The following SNTG1 variants were observed in gnomAD, a reference collection of about 807,000 sequenced individuals.
SNTG1 encodes the protein syntrophin gamma 1.
In SNTG1, 39 loss-of-function variants were observed where a neutral mutation model predicts 74.7. The ratio of observed to expected loss-of-function variants is 0.52; its 90% CI spans 0.40 to 0.68. The LOEUF (loss-of-function observed/expected upper bound fraction) is 0.68, where lower values mean the gene tolerates loss of function less well. Among genes scored for constraint, SNTG1 ranks in the 30% least tolerant of loss-of-function variants. The pLI is 0.00. For missense variants in SNTG1, 685 were observed against 609.5 expected (o/e 1.12, Z -1.30); for synonymous variants, 254 against 217.1 (o/e 1.17, Z -1.49).
intron 12 of SNTG1, among the ~76,000 whole-genome samples, chr8:50,572,860 A>T (rs1670487798): frequency 6.6e-6 from 1 of 152,140 alleles, no homozygotes; most frequent in Non-Finnish European, 1.5e-5. Context: ...TCTCTAAAAA[A>T]TTGGAGGAAT....
intron 9 of SNTG1, among the ~76,000 whole-genome samples, chr8:50,512,678 C>T (rs1379330049): frequency 8.5e-5 from 13 of 152,080 alleles, no homozygotes; most frequent in Admixed American, 7.9e-4. Context: ...ATCTTCCATC[C>T]TTGATACCCT....
chr8:50,594,424 T>C (rs2094713323), intron 13 of SNTG1, among the ~76,000 whole-genome samples: 1 of 152,162 alleles, frequency 6.6e-6, no homozygotes, highest in African/African-American at 2.4e-5. Context: ...GTGAGCTTTA[T>C]ATTAGGCAGT....
chr8:50,424,414 G>C (rs2093136209), intron 4 of SNTG1, among the ~76,000 whole-genome samples: 1 of 152,196 alleles, frequency 6.6e-6, no homozygotes, highest in Non-Finnish European at 1.5e-5. Flanking sequence ...CAAAAATCTA[G>C]CCACATATAT....
In SNTG1 at chr8:49,924,267, G is replaced by A. The variant is rs544050789; in HGVS notation, c.-103+12036G>A. Among the ~76,000 whole-genome samples the A allele has an allele frequency of 3.9e-5, 6 of 152,176 alleles. No individual in the cohort carries two copies. The East Asian group carries it at 7.7e-4, about 20-fold the overall frequency. On this transcript the variant is annotated intron_variant, in intron 1 of 18. Transcript: ENST00000642720. ...AATTATTATGACTTTCATAAAGAAA[G>A]GTATATGTACTTTATAGAGGAAAAA...
At chr8:50,350,085 G>T (rs1286885912) in intron 2 of SNTG1, among the ~76,000 whole-genome samples, 1 of 152,162 alleles carries the variant, frequency 6.6e-6, no homozygotes, top group Non-Finnish European at 1.5e-5. Flanking sequence ...GGGTGCATTG[G>T]GTCCCCCAGC....
chr8:50,644,833 G>T (rs1209159094), intron 13 of SNTG1, among the ~76,000 whole-genome samples: 2 of 151,948 alleles, frequency 1.3e-5, no homozygotes, highest in Non-Finnish European at 2.9e-5. Flanking sequence ...AGGCCTCCTT[G>T]GCAAATAATT....
chr8:50,617,413 CAT>C (rs990059206), intron 13 of SNTG1, among the ~76,000 whole-genome samples: 12 of 134,740 alleles, frequency 8.9e-5, no homozygotes, highest in African/African-American at 2.5e-4. Flanking sequence ...CACACACACA[CAT>C]AAATAACGAA....
At chr8:50,768,931 G>A (rs1309799548) in intron 18 of SNTG1, among the ~76,000 whole-genome samples, 1 of 152,004 alleles carries the variant, frequency 6.6e-6, no homozygotes, top group Non-Finnish European at 1.5e-5. Context: ...TCAAACTAAT[G>A]ATTGAATTGA....
At chr8:50,764,331 C>T (rs990750352) in intron 18 of SNTG1, among the ~76,000 whole-genome samples, 8 of 151,906 alleles carry the variant, frequency 5.3e-5, no homozygotes, top group Admixed American at 3.3e-4. Flanking sequence ...AGTGATGAGG[C>T]GACCTATATC....
At chr8:50,339,495 A>G (rs2091254966) in intron 2 of SNTG1, among the ~76,000 whole-genome samples, 3 of 152,060 alleles carry the variant, frequency 2.0e-5, no homozygotes, top group Non-Finnish European at 2.9e-5. Flanking sequence ...CAGCCATGTT[A>G]TAAGAGATAA....
intron 8 of SNTG1, among the ~76,000 whole-genome samples, chr8:50,490,354 C>T (rs1446337561): frequency 1.3e-5 from 2 of 152,168 alleles, no homozygotes; most frequent in Non-Finnish European, 2.9e-5. Flanking sequence ...CTATAAATTA[C>T]TTTGGGCAGT....
intron 11 of SNTG1, among the ~76,000 whole-genome samples, chr8:50,547,532 G>T (rs998931089): frequency 6.6e-6 from 1 of 152,088 alleles, no homozygotes. Context: ...TTGCCAAAGA[G>T]TCGCTCTTTG....
At chr8:50,659,529 G>A (rs976062073) in intron 15 of SNTG1, among the ~76,000 whole-genome samples, 1 of 152,178 alleles carries the variant, frequency 6.6e-6, no homozygotes, top group African/African-American at 2.4e-5. Context: ...AGTGTCTGAA[G>A]GCAGAGAGAC....
At chr8:50,296,221 T>C (rs1283026326) in intron 2 of SNTG1, among the ~76,000 whole-genome samples, 1 of 152,118 alleles carries the variant, frequency 6.6e-6, no homozygotes, top group Admixed American at 6.6e-5. Context: ...CTCAAGGATA[T>C]AGAACCAGAA....
intron 12 of SNTG1, among the ~76,000 whole-genome samples, chr8:50,580,382 G>A (rs1476550943): frequency 6.6e-6 from 1 of 152,160 alleles, no homozygotes; most frequent in Admixed American, 6.5e-5. Context: ...ATGCTGGAAT[G>A]AGTTAAGGCT....
intron 1 of SNTG1, among the ~76,000 whole-genome samples, chr8:50,137,768 G>A (rs1369363973): frequency 1.3e-5 from 2 of 152,138 alleles, no homozygotes; most frequent in Non-Finnish European, 2.9e-5. Flanking sequence ...CTGTTCTGAG[G>A]CAGCATCAAC....
At chr8:50,634,508 A>G (rs2095026034) in intron 13 of SNTG1, among the ~76,000 whole-genome samples, 1 of 152,204 alleles carries the variant, frequency 6.6e-6, no homozygotes, top group Non-Finnish European at 1.5e-5. Context: ...AAATAATTGT[A>G]CATTTACATG....
chr8:49,968,963 T>C (rs78496983), intron 1 of SNTG1, among the ~76,000 whole-genome samples: 1 of 152,160 alleles, frequency 6.6e-6, no homozygotes, highest in East Asian at 1.9e-4. Context: ...GAGACTTGAG[T>C]GCCAAGTAAA....
chr8:50,080,023 C>T (rs760573338), intron 1 of SNTG1, among the ~76,000 whole-genome samples: 7 of 152,134 alleles, frequency 4.6e-5, no homozygotes, highest in Admixed American at 6.5e-5. Context: ...ATTGTCTTGG[C>T]CACATGGGCT....
Sources: gnomAD v4.1 joint callset for allele counts (sites outside exome capture counted in the v4.1 genomes callset) on GRCh38, gnomAD v4.1.1 for gene constraint, MANE v1.5 for transcripts, NCBI Gene and HGNC (gene_info 2026-07-23, HGNC 2026-07-21) for gene names.